The following AGBL1 variants were observed in gnomAD, a reference collection of about 807,000 sequenced individuals.
AGBL1 encodes the protein AGBL carboxypeptidase 1.
AGBL1 carries 130 observed loss-of-function variants against 118.9 expected under a neutral mutation model. The observed-to-expected ratio is 1.09, with a 90% CI of 0.95 to 1.26. AGBL1 has a LOEUF of 1.26. Among genes scored for constraint, AGBL1 ranks in the 50% most tolerant of loss-of-function variants. The probability of loss-of-function intolerance (pLI) is 0.00; values close to 1 mark genes in which losing one functional copy is unlikely to be tolerated. For synonymous variants in AGBL1, 555 were observed against 478.9 expected (o/e 1.16, Z -2.08); for missense variants, 1,584 against 1,298.1 (o/e 1.22, Z -3.38).
chr15:86,547,018 C>A (rs919458569), intron 20 of AGBL1, among the ~76,000 whole-genome samples: 3 of 152,118 alleles, frequency 2.0e-5, no homozygotes, highest in African/African-American at 7.2e-5. Context: ...GTCACCATTT[C>A]ACCTGGAAAT....
chr15:86,084,526 G>A (rs987474926), intron 1 of AGBL1, among the ~76,000 whole-genome samples: 2 of 152,222 alleles, frequency 1.3e-5, no homozygotes, highest in African/African-American at 4.8e-5. Flanking sequence ...GATAAGAGAT[G>A]TGAGGCAGGT....
intron 15 of AGBL1, among the ~76,000 whole-genome samples, chr15:86,275,075 T>A (rs375142092): frequency 9.2e-5 from 14 of 152,298 alleles, no homozygotes; most frequent in African/African-American, 3.4e-4. Flanking sequence ...GTTTCTTTTT[T>A]TATTTAGTTC....
intron 1 of AGBL1, among the ~76,000 whole-genome samples, chr15:86,127,935 T>A (rs937068541): frequency 6.6e-6 from 1 of 152,182 alleles, no homozygotes; most frequent in Non-Finnish European, 1.5e-5. Context: ...GCCCTGCCCA[T>A]CAATTAAGAA....
At chr15:86,546,248 T>A in intron 20 of AGBL1, 115 bp downstream of exon 20, 1 of 1,178,452 alleles carries the variant, frequency 8.5e-7, no homozygotes, top group Non-Finnish European at 1.1e-6. Context: ...TAAATAAGCA[T>A]TTTAATTATT....
chr15:86,222,427 T>A (rs1278035616), intron 5 of AGBL1, among the ~76,000 whole-genome samples: 1 of 152,160 alleles, frequency 6.6e-6, no homozygotes, highest in Non-Finnish European at 1.5e-5. Flanking sequence ...CACTGACTCT[T>A]CACTCTCCTT....
At chr15:86,220,242 A>C (rs763627660) in intron 5 of AGBL1, among the ~76,000 whole-genome samples, 2 of 152,158 alleles carry the variant, frequency 1.3e-5, no homozygotes, top group African/African-American at 2.4e-5. Context: ...ATGAGCCATC[A>C]AGTCCAGTGA....
At chr15:86,499,398 G>A (rs1490067715) in intron 18 of AGBL1, among the ~76,000 whole-genome samples, 1 of 151,876 alleles carries the variant, frequency 6.6e-6, no homozygotes, top group Non-Finnish European at 1.5e-5. Flanking sequence ...TGGGGTCTGT[G>A]GCTATGCAAT....
chr15:87,026,426 A>G (rs920867307), intron 24 of AGBL1, among the ~76,000 whole-genome samples: 1 of 152,130 alleles, frequency 6.6e-6, no homozygotes, highest in Non-Finnish European at 1.5e-5. Context: ...AGGGAAATAC[A>G]AATCAAAACC....
intron 21 of AGBL1, among the ~76,000 whole-genome samples, chr15:86,655,238 G>A (rs1195906595): frequency 6.6e-6 from 1 of 152,076 alleles, no homozygotes; most frequent in Non-Finnish European, 1.5e-5. Context: ...TTTTATTTCT[G>A]TTTAAATCCT....
At position 86,262,798 on chromosome 15, in the gene AGBL1, C is replaced by A. The variant is rs1566088; in HGVS notation, c.990C>A (p.Asp330Glu). The A allele has an allele frequency of 1.3e-5, 21 of 1,606,066 alleles. No homozygotes were observed. Among genetic ancestry groups the A allele is most frequent in the Middle Eastern group, 1.6e-4 (1 of 6,064 alleles). Residue 330 changes from aspartate to glutamate, a missense_variant, in exon 10 of 23, where the codon GAC becomes GAA. Transcript: ENST00000614907. ...GKVEDDDLET[D>E]VNKLSSKPGL... ...TTTAGGATGATGACTTGGAAACAGACGTGAACAAGCTGAGTTCCAAACCTG... is the reference window on the plus strand; with the variant it reads ...TTTAGGATGATGACTTGGAAACAGAAGTGAACAAGCTGAGTTCCAAACCTG...
At chr15:86,785,271 G>T (rs1596478421) in intron 22 of AGBL1, among the ~76,000 whole-genome samples, 1 of 151,472 alleles carries the variant, frequency 6.6e-6, no homozygotes, top group African/African-American at 2.4e-5. Flanking sequence ...GTCAAGGTCA[G>T]TGTTTGGAAA....
chr15:86,712,338 A>G (rs993452618), intron 22 of AGBL1, among the ~76,000 whole-genome samples: 4 of 151,880 alleles, frequency 2.6e-5, no homozygotes, highest in South Asian at 2.1e-4. Flanking sequence ...TGTACTTAGT[A>G]GAAGGGATTA....
At chr15:86,846,639 C>T (rs1596545636) in intron 22 of AGBL1, among the ~76,000 whole-genome samples, 1 of 152,142 alleles carries the variant, frequency 6.6e-6, no homozygotes, top group Non-Finnish European at 1.5e-5. Flanking sequence ...TCAAGCAGTT[C>T]TCCTGATTCA....
chr15:86,468,229 C>A (rs768607985), intron 18 of AGBL1, among the ~76,000 whole-genome samples: 1 of 152,160 alleles, frequency 6.6e-6, no homozygotes, highest in Non-Finnish European at 1.5e-5. Context: ...GACAGGCATT[C>A]AAGTCCTTAG....
intron 1 of AGBL1, among the ~76,000 whole-genome samples, chr15:86,085,422 T>A (rs1420954555): frequency 1.3e-5 from 2 of 152,170 alleles, no homozygotes; most frequent in Non-Finnish European, 2.9e-5. Flanking sequence ...GTGGCAAGCT[T>A]CAGGTCCAAC....
intron 22 of AGBL1, among the ~76,000 whole-genome samples, chr15:86,781,239 T>G (rs1320026362): frequency 6.6e-6 from 1 of 152,202 alleles, no homozygotes; most frequent in Non-Finnish European, 1.5e-5. Context: ...TCCAACAGTT[T>G]ATGAATTTTC....
intron 17 of AGBL1, among the ~76,000 whole-genome samples, chr15:86,370,274 T>C (rs2080952286): frequency 1.3e-5 from 2 of 151,460 alleles, no homozygotes; most frequent in East Asian, 3.9e-4. Flanking sequence ...AGCTACCTAG[T>C]AAGCCTCATT....
intron 18 of AGBL1, among the ~76,000 whole-genome samples, chr15:86,407,771 G>A (rs2081551001): frequency 6.6e-6 from 1 of 152,150 alleles, no homozygotes; most frequent in African/African-American, 2.4e-5. Context: ...AACAGGCTAA[G>A]GTTTAATAAG....
chr15:86,824,555 GA>G (rs1256493173), intron 22 of AGBL1, among the ~76,000 whole-genome samples: 2 of 5,860 alleles, frequency 3.4e-4, no homozygotes, highest in Non-Finnish European at 5.5e-4. Flanking sequence ...AAAATCCCAG[GA>G]AGTTTTTTTT....
Sources: allele counts gnomAD v4.1 joint callset (sites outside exome capture counted in the v4.1 genomes callset), GRCh38; gene constraint gnomAD v4.1.1; transcripts MANE v1.5; gene names NCBI Gene and HGNC (gene_info 2026-07-23, HGNC 2026-07-21).